The following CDH11 variants were observed in gnomAD, a reference collection of about 807,000 sequenced individuals.
The protein encoded by CDH11 is cadherin-11.
In CDH11, 11 loss-of-function variants were observed where a neutral mutation model predicts 67.8. That is an observed-to-expected ratio of 0.16 (90% confidence interval 0.10 to 0.27). CDH11 has a LOEUF of 0.27. Ranked by LOEUF, CDH11 falls within the 10% of genes least tolerant of loss-of-function variation. The pLI is 1.00. For synonymous variants in CDH11, 419 were observed against 400.0 expected, an observed-to-expected ratio of 1.05 and a Z score of -0.57; for missense variants, 847 against 1,031.2, an observed-to-expected ratio of 0.82 and a Z score of 2.45.
At chr16:65,086,308 A>C (rs1290443604) in intron 1 of CDH11, among the ~76,000 whole-genome samples, 1 of 152,220 alleles carries the variant, frequency 6.6e-6, no homozygotes, top group East Asian at 1.9e-4. Context: ...CAAACTTTAT[A>C]GATCATCAGA....
chr16:64,948,693 T>C (rs1282604546), intron 12 of CDH11: 1 of 1,606,698 alleles, frequency 6.2e-7, no homozygotes, highest in Non-Finnish European at 8.5e-7. Flanking sequence ...ATCTTCTGTT[T>C]ACTTTAACAT....
chr16:65,029,650 T>C (rs1037337464), intron 2 of CDH11, among the ~76,000 whole-genome samples: 2 of 152,238 alleles, frequency 1.3e-5, no homozygotes, highest in African/African-American at 2.4e-5. Context: ...TTAATGAGCA[T>C]GCAGAACTGA....
At chr16:65,059,372 C>T (rs894866444) in intron 1 of CDH11, among the ~76,000 whole-genome samples, 4 of 152,170 alleles carry the variant, frequency 2.6e-5, no homozygotes, top group Admixed American at 1.3e-4. Context: ...ACTCTTACTA[C>T]GATTATCTTC....
intron 8 of CDH11, among the ~76,000 whole-genome samples, chr16:64,980,234 T>C (rs908395504): frequency 6.6e-6 from 1 of 152,012 alleles, no homozygotes; most frequent in Non-Finnish European, 1.5e-5. Context: ...TCATGATATG[T>C]AAATTTTTTT....
chr16:65,004,950 T>C lies in CDH11; in HGVS notation c.-81A>G. On this transcript the variant is annotated 5_prime_UTR_variant, in exon 3 of 13. Transcript: ENST00000268603. ...TACGGTGGTCTTGCTGAGGGTGGCC[T>C]CCCGGACGCGTCACGCAGACCTCTC... The C allele has an allele frequency of 6.9e-7, 1 of 1,440,010 alleles. No homozygotes were observed. Among genetic ancestry groups the C allele is most frequent in the Non-Finnish European group, 9.2e-7 (1 of 1,092,092 alleles). 89.2% of individuals were successfully genotyped at this position (1,440,010 alleles called of 1,614,324 possible).
chr16:65,034,285 C>T (rs1270511414), intron 2 of CDH11, among the ~76,000 whole-genome samples: 2 of 152,180 alleles, frequency 1.3e-5, no homozygotes, highest in African/African-American at 2.4e-5. Context: ...TCTGCCAACA[C>T]CTTGATTTTG....
chr16:64,974,747 TC>T (rs1402793160), intron 8 of CDH11, among the ~76,000 whole-genome samples: 4 of 152,112 alleles, frequency 2.6e-5, no homozygotes, highest in Admixed American at 6.5e-5. Context: ...AAAAAAATAA[TC>T]AAAGACTTTT....
chr16:65,104,959 G>T (rs1346824228), intron 1 of CDH11, among the ~76,000 whole-genome samples: 2 of 152,092 alleles, frequency 1.3e-5, no homozygotes. Context: ...GTTAATTTAC[G>T]AAATATAAAG....
chr16:65,050,715 C>A (rs1380840644), intron 2 of CDH11, among the ~76,000 whole-genome samples: 3 of 151,922 alleles, frequency 2.0e-5, no homozygotes, highest in Non-Finnish European at 4.4e-5. Context: ...ATGCCACCAG[C>A]CTTGGAGTAA....
chr16:64,991,817 C>T lies in CDH11; in HGVS notation c.762G>A (p.Val254=), dbSNP rs1402732307. The T allele has an allele frequency of 1.2e-6, 2 of 1,613,956 alleles. No individual in the cohort carries two copies. The highest frequency in any genetic ancestry group is 1.7e-6 in the Non-Finnish European group (2 of 1,179,868). ...CATTGACATCGGTCAGTGTGATCGT[C>T]ACTTTGGTTGTCCCTGAGAGTCCGC... The part of the protein sequence containing the change: ...HMGGLSGTTK[V]TITLTDVNDN... Residue 254 remains valine, a synonymous_variant, in exon 6 of 13, where the codon GTG becomes GTA. Transcript: ENST00000268603.
chr16:65,073,214 G>C (rs2074449328), intron 1 of CDH11, among the ~76,000 whole-genome samples: 2 of 152,076 alleles, frequency 1.3e-5, no homozygotes, highest in African/African-American at 4.8e-5. Flanking sequence ...AGCTTCCCCT[G>C]CCCTCTCCCC....
At chr16:64,964,433 AG>A (rs1344515711) in intron 11 of CDH11, among the ~76,000 whole-genome samples, 1 of 152,222 alleles carries the variant, frequency 6.6e-6, no homozygotes, top group Non-Finnish European at 1.5e-5. Flanking sequence ...ATGCCTGTAT[AG>A]GGTACTTAGC....
At chr16:64,948,827 G>C (rs975501564) in intron 12 of CDH11, 2 of 1,397,976 alleles carry the variant, frequency 1.4e-6, no homozygotes, top group Non-Finnish European at 2.0e-6. Context: ...GGAAAGTTCA[G>C]GCACAGTTTA....
chr16:65,035,113 G>T (rs1351406957), intron 2 of CDH11, among the ~76,000 whole-genome samples: 3 of 152,174 alleles, frequency 2.0e-5, no homozygotes, highest in Admixed American at 1.3e-4. Context: ...GGAACCCAGC[G>T]AGAGGAGGAA....
intron 2 of CDH11, among the ~76,000 whole-genome samples, chr16:65,040,562 G>T (rs534095712): frequency 2.0e-5 from 3 of 152,112 alleles, no homozygotes; most frequent in East Asian, 1.9e-4. Flanking sequence ...GTTGTGGGGT[G>T]GGGGGAGGAG....
intron 3 of CDH11, among the ~76,000 whole-genome samples, chr16:65,003,680 ACACTTG>A: frequency 6.6e-6 from 1 of 152,156 alleles, no homozygotes; most frequent in Non-Finnish European, 1.5e-5. Flanking sequence ...CCCTCTTTCT[ACACTTG>A]CACTTTTCTG....
chr16:65,096,366 T>TA (rs2074890562), intron 1 of CDH11, among the ~76,000 whole-genome samples: 1 of 151,394 alleles, frequency 6.6e-6, no homozygotes, highest in African/African-American at 2.4e-5. Context: ...TACTATATGC[T>TA]AAAATTGCTT....
chr16:65,021,990 T>G (rs567020219), intron 2 of CDH11, among the ~76,000 whole-genome samples: 1 of 151,292 alleles, frequency 6.6e-6, no homozygotes, highest in African/African-American at 2.4e-5. Context: ...AGGAAAAAAC[T>G]CATTCTCTAA....
chr16:65,091,113 C>A (rs1012732479), intron 1 of CDH11, among the ~76,000 whole-genome samples: 8 of 152,154 alleles, frequency 5.3e-5, no homozygotes, highest in African/African-American at 1.9e-4. Flanking sequence ...CTACCTTGTA[C>A]CTCTTAACAT....
Sources: gnomAD v4.1 joint callset for allele counts (sites outside exome capture counted in the v4.1 genomes callset) on GRCh38, gnomAD v4.1.1 for gene constraint, MANE v1.5 for transcripts, NCBI Gene and HGNC (gene_info 2026-07-23, HGNC 2026-07-21) for gene names.